Variants in PPP1R9A observed in about 807,000 individuals in gnomAD.
The protein encoded by PPP1R9A is neurabin-1.
A neutral mutation model predicts 141.9 loss-of-function variants in PPP1R9A; 59 were observed. The observed-to-expected ratio is 0.42, with a 90% CI of 0.34 to 0.52. The LOEUF is 0.52. Among genes scored for constraint, PPP1R9A ranks in the 20% least tolerant of loss-of-function variants. PPP1R9A has a pLI of 0.10. For missense variants in PPP1R9A, 1,444 were observed against 1,611.9 expected (o/e 0.90, Z 1.78); for synonymous variants, 500 against 569.7 (o/e 0.88, Z 1.74).
intron 2 of PPP1R9A, among the ~76,000 whole-genome samples, chr7:95,110,472 A>G (rs936370154): frequency 2.0e-5 from 3 of 152,200 alleles, no homozygotes; most frequent in Non-Finnish European, 2.9e-5. Flanking sequence ...TTGATGAATT[A>G]TACATTTATT....
intron 2 of PPP1R9A, among the ~76,000 whole-genome samples, chr7:95,075,986 C>T (rs1205407521): frequency 6.6e-6 from 1 of 152,004 alleles, no homozygotes; most frequent in Non-Finnish European, 1.5e-5. Flanking sequence ...GATTAGGGGT[C>T]GTCTTTCTGA....
rs370590319 is a variant in PPP1R9A at position 95,274,096 on chromosome 7, G to A, written c.3224G>A (p.Arg1075Gln). ...RKFVDLGAPL[R>Q]RNSSKGKKWK... The stretch of plus-strand genomic sequence containing the variant: ...TACTATCATTACAGGGCGCCTTTGC[G>A]AAGGAATTCCAGCAAGGGAAAGAAG... The change falls in exon 16 of 20, where the codon CGA becomes CAA. Residue 1075 changes from arginine (R) to glutamine (Q), a missense_variant. Physicochemically the swap from Arg to Gln is conservative, Grantham distance 43. Transcript: ENST00000433360. 128 of 1,581,548 alleles carry A rather than the reference G, an allele frequency of 8.1e-5. No individual in the cohort carries two copies. Among genetic ancestry groups the A allele is most frequent in the African/African-American group, 1.7e-4 (13 of 74,672 alleles).
intron 2 of PPP1R9A, among the ~76,000 whole-genome samples, chr7:95,047,368 A>T (rs891259889): frequency 1.3e-5 from 2 of 152,100 alleles, no homozygotes; most frequent in Non-Finnish European, 2.9e-5. Flanking sequence ...TCAGTGACAA[A>T]ATCTATCATT....
intron 2 of PPP1R9A, among the ~76,000 whole-genome samples, chr7:95,097,756 C>G (rs1490279475): frequency 6.6e-6 from 1 of 152,220 alleles, no homozygotes; most frequent in Non-Finnish European, 1.5e-5. Context: ...ACAGTCAGCA[C>G]TTTGAAAACT....
At chr7:95,086,067 T>A (rs1157000260) in intron 2 of PPP1R9A, among the ~76,000 whole-genome samples, 1 of 151,844 alleles carries the variant, frequency 6.6e-6, no homozygotes, top group Non-Finnish European at 1.5e-5. Flanking sequence ...TCCCCCAAAT[T>A]TTTTCCAAAA....
chr7:94,937,684 T>C (rs961004401), intron 2 of PPP1R9A, among the ~76,000 whole-genome samples: 15 of 152,158 alleles, frequency 9.9e-5, no homozygotes, highest in Non-Finnish European at 1.8e-4. Context: ...AAATCAGGGG[T>C]GAGAACCTTT....
intron 5 of PPP1R9A, among the ~76,000 whole-genome samples, chr7:95,164,278 A>T (rs945646778): frequency 1.3e-5 from 2 of 152,192 alleles, no homozygotes; most frequent in Non-Finnish European, 2.9e-5. Flanking sequence ...ATAGGTGTAT[A>T]GTGGAATCTG....
chr7:95,268,438 C>G (rs1801635637), intron 12 of PPP1R9A, 112 bp from the exon 13 acceptor site: 1 of 1,223,410 alleles, frequency 8.2e-7, no homozygotes. Context: ...ATGGTGGTCA[C>G]CTGATCCTTA....
intron 2 of PPP1R9A, among the ~76,000 whole-genome samples, chr7:95,073,768 G>A (rs1814384750): frequency 6.6e-6 from 1 of 150,576 alleles, no homozygotes; most frequent in Admixed American, 6.7e-5. Context: ...TTTTTTGGTA[G>A]AGACAGTCTT....
chr7:95,092,676 A>G (rs1036312866), intron 2 of PPP1R9A, among the ~76,000 whole-genome samples: 2 of 152,232 alleles, frequency 1.3e-5, no homozygotes, highest in Non-Finnish European at 2.9e-5. Context: ...AGTGGAAGTA[A>G]GACACTAGTC....
chr7:95,099,522 T>C (rs1197448733), intron 2 of PPP1R9A, among the ~76,000 whole-genome samples: 1 of 152,232 alleles, frequency 6.6e-6, no homozygotes, highest in Admixed American at 6.5e-5. Flanking sequence ...CCCAGTTCTC[T>C]GTTAAAAAAC....
At chr7:95,285,888 G>A (rs1585642252) in intron 17 of PPP1R9A, among the ~76,000 whole-genome samples, 1 of 152,102 alleles carries the variant, frequency 6.6e-6, no homozygotes, top group East Asian at 1.9e-4. Flanking sequence ...TCACGATTAG[G>A]GTCAAAGAAG....
chr7:95,000,198 T>C (rs1802722749), intron 2 of PPP1R9A, among the ~76,000 whole-genome samples: 1 of 152,214 alleles, frequency 6.6e-6, no homozygotes, highest in Admixed American at 6.5e-5. Flanking sequence ...CATTGTGTCC[T>C]AAACACTCAA....
chr7:95,082,112 GT>G (rs1298949417), intron 2 of PPP1R9A, among the ~76,000 whole-genome samples: 6 of 152,092 alleles, frequency 3.9e-5, no homozygotes, highest in Non-Finnish European at 7.4e-5. Context: ...CTAACACGTT[GT>G]TTTTTTGGGG....
chr7:95,091,120 G>C (rs945494903), intron 2 of PPP1R9A, among the ~76,000 whole-genome samples: 2 of 151,432 alleles, frequency 1.3e-5, no homozygotes, highest in Non-Finnish European at 2.9e-5. Context: ...AGTTCTGTTG[G>C]ACTTGATTTT....
chr7:95,119,134 A>G lies in PPP1R9A; in HGVS notation c.1529-1578A>G, dbSNP rs12112265. Among the ~76,000 whole-genome samples, 408 of 152,316 alleles carry G rather than the reference A, an allele frequency of 2.7e-3. 1 individual carries two copies. The highest frequency in any genetic ancestry group is 9.0e-3 in the African/African-American group (375 of 41,576). ...AATCCATCACTGTTGATTAGTTAGT[A>G]TTTTTATGCTGCTAGTAAAGCATGA... On this transcript the variant is annotated intron_variant, in intron 3 of 19. Coordinates refer to ENST00000433360, the MANE Select transcript of PPP1R9A (RefSeq NM_001166160.2).
At chr7:94,913,684 G>A (rs11982057) in intron 2 of PPP1R9A, among the ~76,000 whole-genome samples, 3,868 of 152,190 alleles carry the variant, frequency 0.025, 159 homozygotes, top group African/African-American at 0.089. Flanking sequence ...TGGTCATGGT[G>A]GTGGCCATAG....
At chr7:94,931,301 T>C (rs1404176917) in intron 2 of PPP1R9A, among the ~76,000 whole-genome samples, 2 of 152,226 alleles carry the variant, frequency 1.3e-5, no homozygotes, top group African/African-American at 2.4e-5. Context: ...ACAGGAACGC[T>C]ATTGACCCAA....
In PPP1R9A at chr7:94,910,318, C is replaced by G; in HGVS notation, c.205C>G (p.Leu69Val). The G allele has an allele frequency of 6.2e-7, 1 of 1,613,982 alleles. No homozygotes were observed. Among genetic ancestry groups the G allele is most frequent in the Non-Finnish European group, 8.5e-7 (1 of 1,179,986 alleles). Residue 69 changes from leucine (L) to valine (V), a missense_variant, in exon 2 of 20, where the codon CTA becomes GTA. Transcript: ENST00000433360. This position sits in a 1 kb window ranked among gnomAD's most constrained non-coding sequence, Gnocchi z 4.5. ...YGSNVNRIKN[L>V]FMQMGMEPNE... is the part of the protein sequence containing the mutation. ...CTCCAATGTCAACAGAATTAAAAAC[C>G]TATTTATGCAGATGGGTATGGAACC...
Sources: allele counts gnomAD v4.1 joint callset (sites outside exome capture counted in the v4.1 genomes callset), GRCh38; gene constraint gnomAD v4.1.1; non-coding constraint Gnocchi (gnomAD v3.1); transcripts MANE v1.5; gene names NCBI Gene and HGNC (gene_info 2026-07-23, HGNC 2026-07-21).